LCOR: variants seen among roughly 807,000 people sequenced by gnomAD.
The protein encoded by LCOR is ligand-dependent corepressor.
Under a neutral mutation model 64.4 loss-of-function variants are expected in LCOR, and 14 were observed. The observed-to-expected ratio is 0.22, with a 90% CI of 0.14 to 0.34. The LOEUF (loss-of-function observed/expected upper bound fraction) is 0.34. Ranked by LOEUF, LCOR falls within the 10% of genes least tolerant of loss-of-function variation. LCOR has a pLI of 1.00. For missense variants in LCOR, 1,686 were observed against 1,765.3 expected (o/e 0.96, Z 0.80); for synonymous variants, 643 against 642.5 (o/e 1.00, Z -0.01).
chr10:96,981,573 G>A lies in LCOR; in HGVS notation c.1113G>A (p.Gln371=), dbSNP rs759200625. 6.2e-7 allele frequency: 1 copy of A among 1,614,236 alleles called. No individual in the cohort carries two copies. Among genetic ancestry groups the A allele is most frequent in the East Asian group, 2.2e-5 (1 of 44,890 alleles). ...SRTADKENTL[Q]CPKTPLRQDL... ...CTGCTGACAAAGAGAATACTTTACA[G>A]TGTCCAAAAACACCTTTGCGCCAGG... The change falls in exon 8 of 8, where the codon CAG becomes CAA. Residue 371 remains glutamine, a synonymous_variant. Transcript: ENST00000421806.
chr10:96,938,178 C>T (rs577047188), intron 4 of LCOR, among the ~76,000 whole-genome samples: 52 of 151,840 alleles, frequency 3.4e-4, no homozygotes, highest in South Asian at 2.3e-3. Flanking sequence ...AGGCTGGTCT[C>T]GAACTCCTGG....
At chr10:96,949,330 CA>C (rs745686634) in intron 6 of LCOR, 35 bp downstream of exon 6, 349 of 1,588,706 alleles carry the variant, frequency 2.2e-4, no homozygotes, top group Non-Finnish European at 1.8e-4. Context: ...TCTATCTTAT[CA>C]GAATACTTTA....
At chr10:96,859,898 T>C (rs1006431060) in intron 2 of LCOR, among the ~76,000 whole-genome samples, 1 of 152,062 alleles carries the variant, frequency 6.6e-6, no homozygotes, top group Non-Finnish European at 1.5e-5. Context: ...ACTGAGTGGA[T>C]AGAAGGACAT....
At chr10:96,939,714 A>G (rs529295690) in intron 4 of LCOR, among the ~76,000 whole-genome samples, 1 of 152,386 alleles carries the variant, frequency 6.6e-6, no homozygotes, top group South Asian at 2.1e-4. Context: ...CTGTAATCCC[A>G]GCACTTTGGG....
At chr10:96,941,361 C>T (rs1310827746) in intron 4 of LCOR, among the ~76,000 whole-genome samples, 501 of 131,062 alleles carry the variant, frequency 3.8e-3, no homozygotes, top group East Asian at 0.021. Flanking sequence ...TAGGGGCGGC[C>T]GGGCAGAGGC....
intron 2 of LCOR, among the ~76,000 whole-genome samples, chr10:96,906,170 A>G (rs925545098): frequency 2.0e-5 from 3 of 152,228 alleles, no homozygotes; most frequent in African/African-American, 7.2e-5. Flanking sequence ...CCTAGGTGAC[A>G]GATTATGTGG....
chr10:96,915,382 G>A (rs1218559544), intron 4 of LCOR, among the ~76,000 whole-genome samples: 2 of 152,126 alleles, frequency 1.3e-5, no homozygotes, highest in African/African-American at 2.4e-5. Flanking sequence ...TTAGCCAGGC[G>A]TGGTGACGTG....
intron 4 of LCOR, among the ~76,000 whole-genome samples, chr10:96,941,435 G>A (rs1465582861): frequency 7.0e-6 from 1 of 142,522 alleles, no homozygotes; most frequent in Non-Finnish European, 1.5e-5. Context: ...CTCCCTCCTG[G>A]ACGGGGCGAC....
intron 4 of LCOR, among the ~76,000 whole-genome samples, chr10:96,928,301 A>G (rs540510056): frequency 9.2e-5 from 14 of 152,266 alleles, no homozygotes; most frequent in East Asian, 1.9e-4. Context: ...TTAATATTCT[A>G]TATCCTTTGT....
chr10:96,919,137 T>C (rs1027851852), intron 4 of LCOR, among the ~76,000 whole-genome samples: 4 of 152,228 alleles, frequency 2.6e-5, no homozygotes, highest in Admixed American at 2.6e-4. Context: ...TATGATTCTC[T>C]GAAAATCTGT....
intron 4 of LCOR, among the ~76,000 whole-genome samples, chr10:96,930,160 C>T (rs1395987182): frequency 6.6e-6 from 1 of 152,136 alleles, no homozygotes; most frequent in African/African-American, 2.4e-5. Context: ...CAGGGTTGCC[C>T]CAAACCTTTA....
At chr10:96,848,233 T>G (rs1233095179) in intron 2 of LCOR, among the ~76,000 whole-genome samples, 1 of 152,214 alleles carries the variant, frequency 6.6e-6, no homozygotes, top group East Asian at 1.9e-4. Flanking sequence ...AACAGGAAAA[T>G]TCTCTTGTTA....
At chr10:96,887,982 A>C (rs1302785993) in intron 2 of LCOR, among the ~76,000 whole-genome samples, 2 of 151,788 alleles carry the variant, frequency 1.3e-5, no homozygotes, top group Non-Finnish European at 2.9e-5. Context: ...CACCTGGCCT[A>C]CTTTTTTCGT....
At chr10:96,954,475 A>C (rs943703308) in intron 7 of LCOR, among the ~76,000 whole-genome samples, 22 of 151,332 alleles carry the variant, frequency 1.5e-4, no homozygotes, top group African/African-American at 5.1e-4. Context: ...ATATGGTTTC[A>C]GTTTTAACAC....
At chr10:96,869,056 C>T (rs1011865947) in intron 2 of LCOR, among the ~76,000 whole-genome samples, 13 of 152,128 alleles carry the variant, frequency 8.5e-5, no homozygotes, top group African/African-American at 1.4e-4. Context: ...CAGGCAACCG[C>T]CATCATGCCC....
intron 4 of LCOR, among the ~76,000 whole-genome samples, chr10:96,911,093 C>CTTTT (rs71007308): frequency 1.4e-4 from 16 of 114,146 alleles, no homozygotes; most frequent in East Asian, 4.8e-4. Flanking sequence ...TACATGTTCC[C>CTTTT]TTTTTTTTTT....
Position 96,955,320 on chromosome 10 carries a change from G to T in LCOR, c.332+3124G>T, listed in dbSNP as rs760123313. ...AGAAAACTCTGCCTTTCCAAAAATG[G>T]CACTTCAAGCAAAACAAGATGGAAA... On this transcript the variant is annotated intron_variant, in intron 7 of 7. Coordinates refer to ENST00000421806, the MANE Select transcript of LCOR (RefSeq NM_001346516.2). 6 of 1,613,808 alleles carry T rather than the reference G, an allele frequency of 3.7e-6. No individual in the cohort carries two copies. In the East Asian group the frequency reaches 1.3e-4, roughly 36 times the overall value.
chr10:96,971,889 C>A (rs532513329), intron 7 of LCOR, among the ~76,000 whole-genome samples: 1 of 152,116 alleles, frequency 6.6e-6, no homozygotes, highest in African/African-American at 2.4e-5. Context: ...ATAACTCTTA[C>A]GTCTGCATGT....
chr10:96,923,660 C>T (rs1375089592), intron 4 of LCOR, among the ~76,000 whole-genome samples: 1 of 152,100 alleles, frequency 6.6e-6, no homozygotes, highest in Non-Finnish European at 1.5e-5. Context: ...AAAATTTAAC[C>T]ATATTAACTA....
Sources: allele counts gnomAD v4.1 joint callset (sites outside exome capture counted in the v4.1 genomes callset), GRCh38; gene constraint gnomAD v4.1.1; transcripts MANE v1.5; gene names NCBI Gene and HGNC (gene_info 2026-07-23, HGNC 2026-07-21).